Variants in GOLGA6L22 observed in about 807,000 individuals in gnomAD.
The protein encoded by GOLGA6L22 is golgin A6 family like 22, also known as golgin subfamily A member 6-like protein 22.
A neutral mutation model predicts 77.1 loss-of-function variants in GOLGA6L22; 28 were observed. That is an observed-to-expected ratio of 0.36 (90% confidence interval 0.27 to 0.50). The LOEUF (loss-of-function observed/expected upper bound fraction) is 0.50. Ranked by LOEUF, GOLGA6L22 falls within the 20% of genes least tolerant of loss-of-function variation. GOLGA6L22 has a pLI of 0.97. For synonymous variants in GOLGA6L22, 62 were observed against 185.3 expected (o/e 0.33, Z 5.41); for missense variants, 250 against 620.4 (o/e 0.40, Z 6.34).
At chr15:22,466,168 G>C in exon 8 of GOLGA6L22, 1 of 830,686 alleles carries the variant, frequency 1.2e-6, no homozygotes, top group African/African-American at 2.4e-5. Flanking sequence ...AGATGATGCA[G>C]GAACAGGAAG....
chr15:22,466,559 A>G (rs1887730318), exon 8 of GOLGA6L22: 6 of 1,339,508 alleles, frequency 4.5e-6, no homozygotes, highest in Non-Finnish European at 1.0e-6. Context: ...GGAAGAGAAG[A>G]TGCAAGAACA....
At chr15:22,465,716 C>A in exon 8 of GOLGA6L22, 1 of 1,126,332 alleles carries the variant, frequency 8.9e-7, no homozygotes, top group Non-Finnish European at 1.2e-6. Context: ...GGAGAAGATG[C>A]ACGACCAGGA....
intron 2 of GOLGA6L22, 138 bp downstream of exon 2, chr15:22,461,086 C>A: frequency 1.7e-6 from 1 of 586,518 alleles, no homozygotes; most frequent in Non-Finnish European, 2.8e-6. Context: ...CTGCTAGGGA[C>A]ATGATTTAGC....
In GOLGA6L22 at chr15:22,463,677, G is replaced by T. The variant is rs898801766; in HGVS notation, c.433-164G>T. Among the ~76,000 whole-genome samples, 48 of 131,840 alleles carry T rather than the reference G, an allele frequency of 3.6e-4. 5 individuals carry two copies. The highest frequency in any genetic ancestry group is 6.1e-4 in the Non-Finnish European group (38 of 62,516). The allele number at this position is 131,840 out of a possible 152,430, so 86.5% of individuals were successfully genotyped here. On this transcript the variant is annotated intron_variant, in intron 5 of 8. Transcript: ENST00000622895. The stretch of plus-strand genomic sequence containing the variant: ...AAAAAAAAAGAAAGAAAGAAAGAAA[G>T]AAAAACAAATGAGACCATGGGCTTG...
At chr15:22,465,498 G>C (rs1162053353) in exon 8 of GOLGA6L22, 2 of 408,806 alleles carry the variant, frequency 4.9e-6, no homozygotes, top group East Asian at 6.7e-5. Context: ...GAGAAGATAC[G>C]GGAGCAGGAG....
chr15:22,462,770 AG>A (rs1887563920), intron 5 of GOLGA6L22, among the ~76,000 whole-genome samples: 1 of 85,758 alleles, frequency 1.2e-5, no homozygotes, highest in Non-Finnish European at 2.2e-5. Context: ...TGTACCATAA[AG>A]GTACAGAAGA....
At chr15:22,458,950 G>A, upstream of GOLGA6L22, 1 of 13,102 alleles carries the variant, frequency 7.6e-5, no homozygotes, top group Non-Finnish European at 1.3e-4. Context: ...GTCACACAGC[G>A]ACGTAGAGGT....
At chr15:22,463,469 C>T (rs1168245029) in intron 5 of GOLGA6L22, among the ~76,000 whole-genome samples, 33 of 136,144 alleles carry the variant, frequency 2.4e-4, no homozygotes, top group African/African-American at 6.7e-4. Flanking sequence ...CTGACCAACA[C>T]GAAGAAACCC....
chr15:22,465,996 T>C (rs1164893747), exon 8 of GOLGA6L22: 1 of 863,284 alleles, frequency 1.2e-6, no homozygotes, highest in Non-Finnish European at 1.7e-6. Flanking sequence ...GAGGAGAAGG[T>C]GTGGAGGCAG....
At chr15:22,468,251 CCAAA>C (rs1887762803) in exon 9 of GOLGA6L22, 2 of 141,346 alleles carry the variant, frequency 1.4e-5, no homozygotes, top group African/African-American at 5.4e-5. Context: ...TGTGAGAGTG[CCAAA>C]CATTCAGCTA....
At chr15:22,463,295 C>G (rs1887578942) in intron 5 of GOLGA6L22, among the ~76,000 whole-genome samples, 1 of 149,476 alleles carries the variant, frequency 6.7e-6, no homozygotes, top group Non-Finnish European at 1.5e-5. Flanking sequence ...CTCTGGGCCC[C>G]TGTTAGCCAG....
chr15:22,464,797 A>G (rs1887625771), intron 7 of GOLGA6L22, among the ~76,000 whole-genome samples: 2 of 125,396 alleles, frequency 1.6e-5, no homozygotes, highest in African/African-American at 3.5e-5. Context: ...ACAGGTGCCC[A>G]CCACCACACC....
At chr15:22,461,974 G>T in intron 2 of GOLGA6L22, 60 bp from the exon 3 acceptor site, 1 of 1,438,388 alleles carries the variant, frequency 7.0e-7, no homozygotes, top group Non-Finnish European at 9.3e-7. Flanking sequence ...CTGGGGGCAT[G>T]TCTCTTGCTG....
exon 8 of GOLGA6L22, chr15:22,465,031 G>T (rs1455604615): frequency 1.8e-6 from 1 of 546,732 alleles, no homozygotes; most frequent in Non-Finnish European, 3.2e-6. Context: ...AGCAGCAGCT[G>T]CAGGCGGAGG....
At position 22,465,739 on chromosome 15, in the gene GOLGA6L22, G is replaced by A. The variant is rs778533229; in HGVS notation, c.1347G>A (p.Arg449=). Residue 449 remains arginine, a synonymous_variant, in exon 8 of 9, where the codon CGG becomes CGA. Coordinates refer to ENST00000622895, the Ensembl canonical transcript of GOLGA6L22. ...TGCACGACCAGGAGGAGAAGATACG[G>A]GAGCAGGAGGAGAAGGTGTGGAGGC... 7.5e-6 allele frequency: 10 copies of A among 1,325,126 alleles called. 1 individual carries two copies. Among genetic ancestry groups the A allele is most frequent in the Non-Finnish European group, 4.0e-6 (4 of 991,374 alleles). 82.1% of individuals were successfully genotyped at this position (1,325,126 alleles called of 1,614,324 possible).
At chr15:22,466,432 G>C (rs1887723695) in exon 8 of GOLGA6L22, 1 of 1,243,986 alleles carries the variant, frequency 8.0e-7, no homozygotes, top group South Asian at 1.4e-5. Flanking sequence ...AGGAGGAGAA[G>C]ATGCGGAGGC....
chr15:22,463,319 C>G (rs1408315815), intron 5 of GOLGA6L22, among the ~76,000 whole-genome samples: 1 of 148,428 alleles, frequency 6.7e-6, no homozygotes, highest in Non-Finnish European at 1.5e-5. Context: ...TAAATTCAAT[C>G]TCTTTCCCTG....
At chr15:22,462,075 G>A (rs762643931) in exon 3 of GOLGA6L22, 2 of 1,391,034 alleles carry the variant, frequency 1.4e-6, no homozygotes, top group African/African-American at 4.3e-5. Context: ...CCCTAAGGAG[G>A]GAGCTAGAGG....
exon 9 of GOLGA6L22, chr15:22,469,107 A>C (rs80157958): frequency 0.11 from 13,696 of 119,302 alleles, 2,470 homozygotes; most frequent in South Asian, 0.18. Context: ...AGGCTTACCC[A>C]GCACTAAATC....
Sources: allele counts gnomAD v4.1 joint callset (sites outside exome capture counted in the v4.1 genomes callset), GRCh38; gene constraint gnomAD v4.1.1; transcripts MANE v1.5; gene names NCBI Gene and HGNC (gene_info 2026-07-23, HGNC 2026-07-21).